Variants in SCFD1 observed in about 807,000 individuals in gnomAD.
SCFD1 encodes the protein sec1 family domain containing 1, also known as sec1 family domain-containing protein 1.
A neutral mutation model predicts 103.2 loss-of-function variants in SCFD1; 37 were observed. The observed-to-expected ratio is 0.36, with a 90% confidence interval of 0.28 to 0.47. The LOEUF is 0.47. SCFD1 is among the 20% of genes least tolerant of loss of function. The pLI, the probability that SCFD1 is intolerant of heterozygous loss-of-function variation, is 1.00. For synonymous variants in SCFD1, 264 were observed against 245.0 expected (o/e 1.08, Z -0.73); for missense variants, 639 against 761.2 (o/e 0.84, Z 1.89).
In SCFD1 at chr14:30,673,966, G is replaced by C. The variant is rs1566621184; in HGVS notation, c.1129G>C (p.Asp377His). 6.2e-7 allele frequency: 1 copy of C among 1,613,556 alleles called. No homozygotes were observed. Among genetic ancestry groups the C allele is most frequent in the East Asian group, 2.2e-5 (1 of 44,838 alleles). ...TGAAGGAGCCATAAGTATGCTTTCT[G>C]ACAATACCGCTAAGCTAACATCAGC... Reference protein sequence around the residue: ...EDEGAISMLSDNTAKLTSAVS... With the variant: ...EDEGAISMLSHNTAKLTSAVS... Residue 377 changes from aspartate (D) to histidine (H), a missense_variant, in exon 13 of 25, where the codon GAC (aspartate) becomes CAC (histidine). Physicochemically the swap from Asp to His is moderately conservative, Grantham distance 81 (BLOSUM62 -1). Transcript: ENST00000458591.
At chr14:30,712,288 T>C (rs188968930) in intron 19 of SCFD1, among the ~76,000 whole-genome samples, 1 of 152,298 alleles carries the variant, frequency 6.6e-6, no homozygotes, top group Admixed American at 6.5e-5. Context: ...TCCAGGGCTC[T>C]GATAATCAAG....
chr14:30,662,802 C>G lies in SCFD1; in HGVS notation c.856-7454C>G, dbSNP rs75346321. 3.4e-3 allele frequency among the ~76,000 whole-genome samples: 516 copies of G among 152,288 alleles called. 6 individuals carry two copies. The highest frequency in any genetic ancestry group is 0.012 in the African/African-American group (494 of 41,552). On this transcript the variant is annotated intron_variant, in intron 10 of 24. Coordinates refer to ENST00000458591, the MANE Select transcript of SCFD1 (RefSeq NM_016106.4). ...ACTCTCTCTGGCTCTACTGATTGCT[C>G]TAACTTGGGAAAAGAAAACAAGACT...
intron 23 of SCFD1, among the ~76,000 whole-genome samples, chr14:30,730,854 G>A (rs191118472): frequency 0.036 from 5,412 of 152,072 alleles, 151 homozygotes; most frequent in African/African-American, 0.06. Flanking sequence ...CCTTAGTTTA[G>A]TTAGATCCCA....
At chr14:30,658,682 C>T (rs1341672170) in intron 10 of SCFD1, among the ~76,000 whole-genome samples, 3 of 152,148 alleles carry the variant, frequency 2.0e-5, no homozygotes, top group African/African-American at 4.8e-5. Flanking sequence ...CGTGAGCTAA[C>T]GCACCTAGCT....
intron 4 of SCFD1, among the ~76,000 whole-genome samples, chr14:30,637,521 T>G (rs1884848239): frequency 6.6e-6 from 1 of 152,142 alleles, no homozygotes; most frequent in South Asian, 2.1e-4. Context: ...TTGGCATCAT[T>G]AATTCTTAGT....
intron 19 of SCFD1, chr14:30,715,211 G>A (rs1892190923): frequency 1.3e-5 from 2 of 152,066 alleles, no homozygotes; most frequent in South Asian, 2.1e-4. Context: ...AATCTCATAC[G>A]TTTTCACGAA....
At chr14:30,631,833 G>A (rs1428994032) in intron 3 of SCFD1, among the ~76,000 whole-genome samples, 1 of 152,008 alleles carries the variant, frequency 6.6e-6, no homozygotes. Flanking sequence ...ATCACTTGAG[G>A]TCAGGAGTTC....
At chr14:30,727,011 C>T (rs966234796) in intron 23 of SCFD1, among the ~76,000 whole-genome samples, 4 of 151,964 alleles carry the variant, frequency 2.6e-5, no homozygotes, top group South Asian at 2.1e-4. Flanking sequence ...AGATGGCGGG[C>T]GAGGGAAGAC....
chr14:30,655,461 T>G (rs1021559475), intron 10 of SCFD1, among the ~76,000 whole-genome samples: 1 of 152,182 alleles, frequency 6.6e-6, no homozygotes, highest in African/African-American at 2.4e-5. Flanking sequence ...TTGACTTTAA[T>G]TTGATGGAAA....
chr14:30,673,548 A>G (rs1454114824), intron 12 of SCFD1, among the ~76,000 whole-genome samples: 1 of 152,248 alleles, frequency 6.6e-6, no homozygotes, highest in Non-Finnish European at 1.5e-5. Flanking sequence ...GAAAAAATAT[A>G]TAATGTAGCA....
At chr14:30,671,155 G>A (rs934789707) in intron 11 of SCFD1, among the ~76,000 whole-genome samples, 1 of 152,046 alleles carries the variant, frequency 6.6e-6, no homozygotes, top group African/African-American at 2.4e-5. Flanking sequence ...AAGAGAAGTC[G>A]AATATAGACT....
rs1156356228 is a variant in SCFD1, at chr14:30,630,459, C to T, written c.133-18C>T. ...TGGTTGTTCACTGATAATGATGACA[C>T]ATGGTTTTTTTTAATAGGTACTCAT... On this transcript the variant is annotated intron_variant, in intron 2 of 24. Coordinates refer to ENST00000458591, the MANE Select transcript of SCFD1 (RefSeq NM_016106.4). 2 of 1,425,812 alleles carry T rather than the reference C, an allele frequency of 1.4e-6. No individual in the cohort carries two copies. Among genetic ancestry groups the T allele is most frequent in the Non-Finnish European group, 2.0e-6 (2 of 1,010,814 alleles). 88.3% of individuals were successfully genotyped at this position (1,425,812 alleles called of 1,614,324 possible). A position where few individuals can be genotyped will look rare whatever the true frequency, so the allele number is the denominator to read the frequency against.
chr14:30,634,806 A>G (rs767877135), intron 4 of SCFD1: 2 of 455,868 alleles, frequency 4.4e-6, no homozygotes, highest in Middle Eastern at 3.2e-4. Context: ...CATCAAATCT[A>G]TGTTCACATC....
chr14:30,730,022 C>A (rs1443814323), intron 23 of SCFD1, among the ~76,000 whole-genome samples: 1 of 152,190 alleles, frequency 6.6e-6, no homozygotes, highest in Non-Finnish European at 1.5e-5. Context: ...CCTTACCCCA[C>A]TACAGGTCCC....
intron 11 of SCFD1, among the ~76,000 whole-genome samples, chr14:30,672,650 G>A (rs1436229297): frequency 6.6e-6 from 1 of 152,170 alleles, no homozygotes; most frequent in Non-Finnish European, 1.5e-5. Context: ...CATGATTGCA[G>A]ATCACTTCTG....
chr14:30,631,383 A>G (rs1244411321), intron 3 of SCFD1, among the ~76,000 whole-genome samples: 1 of 152,104 alleles, frequency 6.6e-6, no homozygotes, highest in Admixed American at 6.5e-5. Flanking sequence ...TAATTAAAAT[A>G]AAAATAAACT....
At chr14:30,666,764 C>T (rs1336540673) in intron 10 of SCFD1, among the ~76,000 whole-genome samples, 1 of 152,146 alleles carries the variant, frequency 6.6e-6, no homozygotes, top group Non-Finnish European at 1.5e-5. Context: ...TCAGAGAATA[C>T]TATAAACACC....
In SCFD1 at chr14:30,673,323, G is replaced by A. The variant is rs748643678; in HGVS notation, c.1062G>A (p.Glu354=). The A allele has an allele frequency of 3.8e-6, 6 of 1,582,488 alleles. No individual in the cohort carries two copies. In the South Asian group the frequency reaches 4.5e-5, roughly 12 times the overall value. Residue 354 remains glutamate, a synonymous_variant, in exon 12 of 25, where the codon GAG becomes GAA. Coordinates refer to ENST00000458591, the MANE Select transcript of SCFD1 (RefSeq NM_016106.4). ...AATCTTACAGAGCACAGGAAGATGA[G>A]GTCAAACGACTTAAAAGCATTATGG... ...ELESYRAQED[E]VKRLKSIMGL... is the part of the protein sequence containing the mutation.
At chr14:30,674,556 G>A (rs950762425) in intron 13 of SCFD1, among the ~76,000 whole-genome samples, 3 of 152,114 alleles carry the variant, frequency 2.0e-5, no homozygotes, top group African/African-American at 7.2e-5. Flanking sequence ...GCTAAGGCAG[G>A]AGAATCGCTT....
Sources: gnomAD v4.1 joint callset for allele counts (sites outside exome capture counted in the v4.1 genomes callset) on GRCh38, gnomAD v4.1.1 for gene constraint, MANE v1.5 for transcripts, NCBI Gene and HGNC (gene_info 2026-07-23, HGNC 2026-07-21) for gene names.